ERAP1: variants seen among roughly 807,000 people sequenced by gnomAD.
ERAP1 encodes the protein adipocyte-derived leucine aminopeptidase.
A neutral mutation model predicts 103.7 loss-of-function variants in ERAP1; 86 were observed. The observed-to-expected ratio is 0.83, with a 90% CI of 0.70 to 0.99. The LOEUF (loss-of-function observed/expected upper bound fraction) is 0.99, where lower values mean the gene tolerates loss of function less well. ERAP1 is among the 50% of genes least tolerant of loss of function. The pLI is 0.00. For synonymous variants in ERAP1, 398 were observed against 402.4 expected, an observed-to-expected ratio of 0.99 and a Z score of 0.13; for missense variants, 1,009 against 1,128.4, an observed-to-expected ratio of 0.89 and a Z score of 1.52.
chr5:96,919,838 C>G, the ERAP1 span: 15 of 152,210 alleles, frequency 9.9e-5, no homozygotes, highest in Non-Finnish European at 2.2e-4. Flanking sequence ...AAGTTATATG[C>G]AAGATCATGA....
chr5:96,909,461 C>G, the ERAP1 span: 5 of 777,670 alleles, frequency 6.4e-6, no homozygotes, highest in Non-Finnish European at 1.1e-5. Flanking sequence ...CGAAGATACA[C>G]TGTTTGGGGA....
At chr5:96,884,066 CT>C in the ERAP1 span, 3 of 638,986 alleles carry the variant, frequency 4.7e-6, no homozygotes, top group African/African-American at 5.9e-5. Flanking sequence ...ATCTATCTAT[CT>C]ATCTATCTAT....
the ERAP1 span, among the ~76,000 whole-genome samples, chr5:96,932,933 G>C: frequency 6.6e-6 from 1 of 152,078 alleles, no homozygotes; most frequent in African/African-American, 2.4e-5. Context: ...TATCTCCTTT[G>C]ATAATGAATC....
At chr5:96,917,361 T>C in the ERAP1 span, 7 of 1,080,136 alleles carry the variant, frequency 6.5e-6, no homozygotes, top group Non-Finnish European at 9.4e-6. Context: ...GCTCAATTGA[T>C]CTGCCCACCT....
chr5:96,877,938 G>A, the ERAP1 span, among the ~76,000 whole-genome samples: 5 of 152,290 alleles, frequency 3.3e-5, no homozygotes, highest in South Asian at 6.2e-4. Context: ...TGAAGTAATT[G>A]TTTGGATAAT....
chr5:96,774,388 G>T, downstream of ERAP1: 1 of 396,612 alleles, frequency 2.5e-6, no homozygotes, highest in Non-Finnish European at 3.4e-6. Flanking sequence ...AGACTTGGGT[G>T]TTTGTTAATA....
In ERAP1 at chr5:96,776,342, C is replaced by T; in HGVS notation, c.*54G>A. On this transcript the variant is annotated 3_prime_UTR_variant, in exon 19 of 19. Coordinates refer to ENST00000443439, the MANE Select transcript of ERAP1 (RefSeq NM_001040458.3). ...CAGCCATCTCTAGTTTGAAAATACA[C>T]TCAACAAAATGTTGGTGATTAGAGA... is the stretch of plus-strand genomic sequence containing the variant. The T allele has an allele frequency of 6.4e-7, 1 of 1,572,146 alleles. No individual in the cohort carries two copies. Among genetic ancestry groups the T allele is most frequent in the Non-Finnish European group, 8.6e-7 (1 of 1,159,966 alleles).
At position 96,775,246 on chromosome 5, in the gene ERAP1, C is replaced by T. The variant is rs912727158; in HGVS notation, c.*1150G>A. 6 of 963,540 alleles carry T rather than the reference C, an allele frequency of 6.2e-6. No homozygotes were observed. The highest frequency in any genetic ancestry group is 7.3e-6 in the Non-Finnish European group (6 of 822,344). The allele number at this position is 963,540 out of a possible 1,614,324, so 59.7% of individuals were successfully genotyped here. ...AGCAGCAACTGTGTGCTGAAGCAAC[C>T]GTGTGTGAAGTCTTCACAAAAGAAA... On this transcript the variant is annotated 3_prime_UTR_variant, in exon 19 of 19. Transcript: ENST00000443439.
In ERAP1 at chr5:96,788,548, G is replaced by C. The variant is rs778847888; in HGVS notation, c.1662C>G (p.Asp554Glu). ...AGCATTACCCAGTGTCCGGGGCGCC[G>C]TCAGAGCCCTTCATGTAGTGCTCTT... ...MKQEHYMKGS[D>E]GAPDTGYLWH... The change falls in exon 11 of 19, where the codon GAC becomes GAG. Residue 554 changes from aspartate (D) to glutamate (E), a missense_variant. Asp to Glu is a conservative substitution (Grantham distance 45, BLOSUM62 2). This residue lies in a region of ERAP1 where 611 missense variants were observed against 651.7 expected (regional missense o/e 0.94). Transcript: ENST00000443439. 1 of 1,614,176 alleles carries C rather than the reference G, an allele frequency of 6.2e-7. No individual in the cohort carries two copies. The highest frequency in any genetic ancestry group is 8.5e-7 in the Non-Finnish European group (1 of 1,180,020).
chr5:96,847,163 G>A, the ERAP1 span, among the ~76,000 whole-genome samples: 353 of 149,606 alleles, frequency 2.4e-3, 2 homozygotes, highest in African/African-American at 8.1e-3. Context: ...CAGGAGAATC[G>A]CTTGAACCCG....
chr5:96,766,124 TCTC>T lies in ERAP1; in HGVS notation c.2819-2899_2819-2897del, dbSNP rs754975332. 3.1e-6 allele frequency: 5 copies of T among 1,606,600 alleles called. No individual in the cohort carries two copies. The Admixed American group carries it at 8.4e-5, about 27-fold the overall frequency. On this transcript the variant is annotated intron_variant, in intron 19 of 19. Transcript: ENST00000296754. ...ACACTATCCCACCTGAATACAGACA[TCTC>T]CTGGATGATAATGGACAGGTAAACT...
chr5:96,800,872 T>C lies in ERAP1; in HGVS notation c.653A>G (p.Asn218Ser), dbSNP rs764600564. 3.1e-6 allele frequency: 5 copies of C among 1,614,118 alleles called. No homozygotes were observed. Among genetic ancestry groups the C allele is most frequent in the Middle Eastern group, 1.6e-4 (1 of 6,062 alleles). Reference sequence around the variant, plus strand: ...GGAGTGCAGACTCACCAATGGCATATTGGAGATGGCTAGGTGCCTTGGCTC... The same window carrying C: ...GGAGTGCAGACTCACCAATGGCATACTGGAGATGGCTAGGTGCCTTGGCTC... ...RREPRHLAIS[N>S]MPLVKSVTVA... The change falls in exon 3 of 19, where the codon AAT becomes AGT. Residue 218 changes from asparagine (N) to serine (S), a missense_variant. Asn to Ser is a conservative substitution (Grantham distance 46). This residue lies in a region of ERAP1 where 392 missense variants were observed against 455.2 expected (regional missense o/e 0.86). Coordinates refer to ENST00000443439, the MANE Select transcript of ERAP1 (RefSeq NM_001040458.3).
chr5:96,818,089 A>T, the ERAP1 span, among the ~76,000 whole-genome samples: 1 of 152,358 alleles, frequency 6.6e-6, no homozygotes, highest in Admixed American at 6.5e-5. Flanking sequence ...ATTAAGAACA[A>T]AAAATAATAA....
chr5:96,814,751 C>T, the ERAP1 span, among the ~76,000 whole-genome samples: 1 of 152,110 alleles, frequency 6.6e-6, no homozygotes, highest in African/African-American at 2.4e-5. Flanking sequence ...ATTTGAACAT[C>T]GGTGAAGAAG....
chr5:96,854,971 G>A, the ERAP1 span, among the ~76,000 whole-genome samples: 1 of 151,710 alleles, frequency 6.6e-6, no homozygotes, highest in East Asian at 1.9e-4. Context: ...AAATCTAGCA[G>A]TTTTTCAAAC....
At position 96,784,077 on chromosome 5, in the gene ERAP1, A is replaced by C. The variant is rs764153121; in HGVS notation, c.1947T>G (p.Ile649Met). 2 of 1,614,012 alleles carry C rather than the reference A, an allele frequency of 1.2e-6. No homozygotes were observed. The highest frequency in any genetic ancestry group is 4.5e-5 in the East Asian group (2 of 44,882). The stretch of plus-strand genomic sequence containing the variant: ...AGGCCTTTTCAATGGACAGCTTCCC[A>C]ATGCTGACCAAGAGACACTGTGGTT... ...LINNAFQLVS[I>M]GKLSIEKALD... Residue 649 changes from isoleucine (I) to methionine (M), a missense_variant, in exon 14 of 19, where the codon ATT (isoleucine) becomes ATG (methionine). Transcript: ENST00000443439.
chr5:96,856,026 A>G, the ERAP1 span, among the ~76,000 whole-genome samples: 4 of 152,008 alleles, frequency 2.6e-5, no homozygotes, highest in East Asian at 7.7e-4. Flanking sequence ...TCCTATAAAT[A>G]TATTTTGAGC....
the ERAP1 span, among the ~76,000 whole-genome samples, chr5:96,890,914 A>G: frequency 6.6e-6 from 1 of 152,216 alleles, no homozygotes; most frequent in Admixed American, 6.5e-5. Flanking sequence ...TTCTTGAAAA[A>G]TGCAGTCTTA....
At chr5:96,892,357 A>G in the ERAP1 span, 1 of 1,613,938 alleles carries the variant, frequency 6.2e-7, no homozygotes, top group Admixed American at 1.7e-5. Context: ...GCCTCATTAC[A>G]TATAGGGAGA....
Sources: gnomAD v4.1 joint callset for allele counts (sites outside exome capture counted in the v4.1 genomes callset) on GRCh38, gnomAD v4.1.1 for gene constraint, gnomAD v4.1.1 regional missense constraint, MANE v1.5 for transcripts, NCBI Gene and HGNC (gene_info 2026-07-23, HGNC 2026-07-21) for gene names.